ZCWPW2: variants seen among roughly 807,000 people sequenced by gnomAD.
ZCWPW2 encodes zinc finger CW-type PWWP domain protein 2.
Under a neutral mutation model 46.6 loss-of-function variants are expected in ZCWPW2, and 45 were observed. The ratio of observed to expected loss-of-function variants is 0.96; its 90% CI spans 0.76 to 1.24. The LOEUF (loss-of-function observed/expected upper bound fraction) is 1.24. Among genes scored for constraint, ZCWPW2 ranks in the 50% most tolerant of loss-of-function variants. ZCWPW2 has a pLI of 0.00. For missense variants in ZCWPW2, 429 were observed against 403.9 expected (o/e 1.06, Z -0.53); for synonymous variants, 152 against 137.1 (o/e 1.11, Z -0.76).
At chr3:28,352,570 C>G (rs1187238149) in intron 1 of ZCWPW2, among the ~76,000 whole-genome samples, 2 of 151,918 alleles carry the variant, frequency 1.3e-5, no homozygotes, top group African/African-American at 2.4e-5. Context: ...TGGTGAGTTA[C>G]AGTTGCTTTA....
At chr3:28,407,161 T>A (rs745412596) in intron 2 of ZCWPW2, among the ~76,000 whole-genome samples, 5 of 152,184 alleles carry the variant, frequency 3.3e-5, no homozygotes, top group Non-Finnish European at 2.9e-5. Context: ...CTCCATCACC[T>A]TGGTAAAGTG....
At chr3:28,519,783 C>T (rs1700673186) in intron 8 of ZCWPW2, among the ~76,000 whole-genome samples, 1 of 152,194 alleles carries the variant, frequency 6.6e-6, no homozygotes, top group African/African-American at 2.4e-5. Flanking sequence ...CCATCTGCCT[C>T]TGGTGCAAGA....
intron 4 of ZCWPW2, among the ~76,000 whole-genome samples, chr3:28,463,287 C>G (rs1698709285): frequency 6.6e-6 from 1 of 152,024 alleles, no homozygotes. Context: ...AATATCCTTT[C>G]TTGGAATCAT....
chr3:28,374,934 T>C (rs1705454222), intron 1 of ZCWPW2, among the ~76,000 whole-genome samples: 1 of 151,968 alleles, frequency 6.6e-6, no homozygotes, highest in South Asian at 2.1e-4. Context: ...AGTTCCTTAC[T>C]ATTATTATAT....
At chr3:28,381,890 C>T (rs886350117) in intron 1 of ZCWPW2, among the ~76,000 whole-genome samples, 38 of 152,006 alleles carry the variant, frequency 2.5e-4, no homozygotes, top group African/African-American at 8.7e-4. Context: ...TTTGGCCAGG[C>T]GTGGTGGTTC....
chr3:28,482,821 T>C (rs1327221146), intron 5 of ZCWPW2, among the ~76,000 whole-genome samples: 1 of 152,204 alleles, frequency 6.6e-6, no homozygotes, highest in Non-Finnish European at 1.5e-5. Context: ...TTTTCTGAGA[T>C]ATTTTGCTCA....
chr3:28,352,167 C>A (rs10671557), intron 1 of ZCWPW2, among the ~76,000 whole-genome samples: 32 of 147,718 alleles, frequency 2.2e-4, no homozygotes, highest in East Asian at 2.0e-4. Context: ...CACACACACA[C>A]GAGAGAGAAT....
At chr3:28,449,232 C>T (rs1266481879) in intron 4 of ZCWPW2, among the ~76,000 whole-genome samples, 2 of 152,058 alleles carry the variant, frequency 1.3e-5, no homozygotes, top group Non-Finnish European at 2.9e-5. Flanking sequence ...TGTACAAAAA[C>T]GACCTCATAA....
At chr3:28,355,539 CA>C (rs1372080446) in intron 1 of ZCWPW2, among the ~76,000 whole-genome samples, 1 of 152,230 alleles carries the variant, frequency 6.6e-6, no homozygotes, top group East Asian at 1.9e-4. Flanking sequence ...CCCGCATTGC[CA>C]AGTCCATCCT....
intron 4 of ZCWPW2, among the ~76,000 whole-genome samples, chr3:28,446,871 G>C (rs1022313507): frequency 6.6e-6 from 1 of 152,040 alleles, no homozygotes; most frequent in East Asian, 1.9e-4. Flanking sequence ...ATGACTATAA[G>C]AGCATACTGT....
chr3:28,520,653 T>A (rs1161816711), intron 8 of ZCWPW2, among the ~76,000 whole-genome samples: 1 of 152,196 alleles, frequency 6.6e-6, no homozygotes, highest in East Asian at 1.9e-4. Flanking sequence ...GAGAAAAATT[T>A]GCTGACACTT....
At position 28,525,778 on chromosome 3, in the gene ZCWPW2, C is replaced by G. The variant is rs1474682685; in HGVS notation, c.*1090C>G. ...GTAGAGTGGAGAGTGGAGATAGACT[C>G]ACAACGGTGAAATATCTTATTTGTC... On this transcript the variant is annotated 3_prime_UTR_variant, in exon 10 of 10. Coordinates refer to ENST00000383768, the MANE Select transcript of ZCWPW2 (RefSeq NM_001040432.4). 2.6e-5 allele frequency among the ~76,000 whole-genome samples: 4 copies of G among 152,166 alleles called. No individual in the cohort carries two copies. Among genetic ancestry groups the G allele is most frequent in the Non-Finnish European group, 4.4e-5 (3 of 68,012 alleles).
At chr3:28,515,968 C>T (rs1353711620) in intron 8 of ZCWPW2, among the ~76,000 whole-genome samples, 8 of 151,988 alleles carry the variant, frequency 5.3e-5, no homozygotes, top group Admixed American at 1.3e-4. Context: ...CAGCCAGGCA[C>T]GGTGGCTCAC....
Position 28,349,105 on chromosome 3 carries a change from G to C in ZCWPW2, c.-232G>C. 1.0e-6 allele frequency: 1 copy of C among 985,722 alleles called. No homozygotes were observed. The highest frequency in any genetic ancestry group is 1.2e-6 in the Non-Finnish European group (1 of 830,164). The allele number at this position is 985,722 out of a possible 1,614,324, so 61.1% of individuals were successfully genotyped here. On this transcript the variant is annotated 5_prime_UTR_variant, in exon 1 of 10. Transcript: ENST00000383768. ...GGTTCGGTCGTGGGGGTGGGGAAGT[G>C]CAGGAGTGGCGCGCGGCGTACTACA...
At chr3:28,448,533 C>G (rs925934065) in intron 4 of ZCWPW2, among the ~76,000 whole-genome samples, 6 of 151,742 alleles carry the variant, frequency 4.0e-5, no homozygotes, top group African/African-American at 1.5e-4. Flanking sequence ...GCCTGTAATC[C>G]CAGCATTTTG....
chr3:28,396,844 T>C (rs964118566), intron 2 of ZCWPW2, among the ~76,000 whole-genome samples: 1 of 152,192 alleles, frequency 6.6e-6, no homozygotes, highest in African/African-American at 2.4e-5. Context: ...AATTCTAGTA[T>C]TGGGCTGGGT....
At position 28,371,654 on chromosome 3, in the gene ZCWPW2, T is replaced by C. The variant is rs1378227240; in HGVS notation, c.-133-18844T>C. 2.0e-5 allele frequency among the ~76,000 whole-genome samples: 3 copies of C among 152,084 alleles called. No homozygotes were observed. The East Asian group carries it at 5.8e-4, about 29-fold the overall frequency. On this transcript the variant is annotated intron_variant, in intron 1 of 9. Transcript: ENST00000383768. ...AGCCTGGGCAACAGAGAAAGACCCATCTCAAGCAAACCAACAAATAAATAA... is the reference window on the plus strand; with the variant it reads ...AGCCTGGGCAACAGAGAAAGACCCACCTCAAGCAAACCAACAAATAAATAA...
chr3:28,392,144 A>G (rs1307750034), intron 2 of ZCWPW2, among the ~76,000 whole-genome samples: 1 of 152,058 alleles, frequency 6.6e-6, no homozygotes, highest in East Asian at 1.9e-4. Context: ...CATTTCATGC[A>G]AACAGAATCC....
chr3:28,478,278 C>A, intron 4 of ZCWPW2: 1 of 302,888 alleles, frequency 3.3e-6, no homozygotes, highest in Non-Finnish European at 6.8e-6. Context: ...GAGTCTTACT[C>A]TCTCACCTAG....
Sources: allele counts gnomAD v4.1 joint callset (sites outside exome capture counted in the v4.1 genomes callset), GRCh38; gene constraint gnomAD v4.1.1; transcripts MANE v1.5; gene names NCBI Gene and HGNC (gene_info 2026-07-23, HGNC 2026-07-21).